Variants in STXBP4 observed in about 807,000 individuals in gnomAD.
The protein encoded by STXBP4 is syntaxin binding protein 4.
A neutral mutation model predicts 76.1 loss-of-function variants in STXBP4; 55 were observed. The observed-to-expected ratio is 0.72, with a 90% CI of 0.58 to 0.91. The LOEUF (loss-of-function observed/expected upper bound fraction) is 0.91. Among genes scored for constraint, STXBP4 ranks in the 40% least tolerant of loss-of-function variants. The probability of loss-of-function intolerance (pLI) is 0.00; values close to 1 mark genes in which losing one functional copy is unlikely to be tolerated. For missense variants in STXBP4, 618 were observed against 636.9 expected (o/e 0.97, Z 0.32); for synonymous variants, 201 against 220.2 (o/e 0.91, Z 0.77).
intron 1 of STXBP4, among the ~76,000 whole-genome samples, chr17:54,984,443 C>T (rs536500870): frequency 1.4e-3 from 209 of 149,258 alleles, no homozygotes; most frequent in African/African-American, 4.7e-3. Flanking sequence ...CCCAGGTTCA[C>T]GCCATTCTCC....
chr17:55,134,038 T>C (rs993143302), intron 16 of STXBP4, among the ~76,000 whole-genome samples: 12 of 152,172 alleles, frequency 7.9e-5, no homozygotes, highest in Non-Finnish European at 1.5e-4. Flanking sequence ...CTCATTTTTA[T>C]GCCCATGGTA....
At chr17:55,159,288 G>A (rs544738786) in intron 17 of STXBP4, among the ~76,000 whole-genome samples, 3 of 151,958 alleles carry the variant, frequency 2.0e-5, no homozygotes, top group Non-Finnish European at 4.4e-5. Flanking sequence ...ATTTTAAAAA[G>A]CAGGTATTGT....
rs193266004 is a variant in STXBP4, at chr17:55,024,777, A to C, written c.667-6391A>C. Reference sequence around the variant, plus strand: ...ATCATCATTATATGAGGAATACTATATGGTAAGGAAAATGAAGGAACAAGA... The same window carrying C: ...ATCATCATTATATGAGGAATACTATCTGGTAAGGAAAATGAAGGAACAAGA... On this transcript the variant is annotated intron_variant, in intron 8 of 17. Coordinates refer to ENST00000376352, the MANE Select transcript of STXBP4 (RefSeq NM_178509.6). Among the ~76,000 whole-genome samples, 11 of 152,290 alleles carry C rather than the reference A, an allele frequency of 7.2e-5. No individual in the cohort carries two copies. In the East Asian group the frequency reaches 2.1e-3, roughly 29 times the overall value.
intron 12 of STXBP4, among the ~76,000 whole-genome samples, chr17:55,061,683 T>C (rs982162238): frequency 2.6e-5 from 4 of 152,174 alleles, no homozygotes; most frequent in African/African-American, 9.7e-5. Context: ...CTGTTCTATA[T>C]CTCCATAATG....
At chr17:55,146,474 G>A (rs528005498) in intron 17 of STXBP4, among the ~76,000 whole-genome samples, 4 of 152,146 alleles carry the variant, frequency 2.6e-5, no homozygotes, top group African/African-American at 4.8e-5. Flanking sequence ...CACTTTGGGA[G>A]GCCAAGGCAG....
intron 8 of STXBP4, among the ~76,000 whole-genome samples, chr17:55,029,431 A>C (rs2144670373): frequency 6.6e-6 from 1 of 152,042 alleles, no homozygotes; most frequent in East Asian, 1.9e-4. Flanking sequence ...GAAAATATAT[A>C]CATAAATTTT....
intron 16 of STXBP4, among the ~76,000 whole-genome samples, chr17:55,107,974 G>C (rs879321324): frequency 2.0e-5 from 3 of 152,234 alleles, no homozygotes; most frequent in Non-Finnish European, 4.4e-5. Flanking sequence ...GCGCTCTTCA[G>C]AGCCAGCAGG....
intron 16 of STXBP4, among the ~76,000 whole-genome samples, chr17:55,131,845 C>CTCTG (rs1323459015): frequency 6.6e-6 from 1 of 152,166 alleles, no homozygotes; most frequent in Admixed American, 6.5e-5. Flanking sequence ...CACTACAACT[C>CTCTG]TCTGTCTTCC....
intron 16 of STXBP4, among the ~76,000 whole-genome samples, chr17:55,121,405 G>A (rs532007943): frequency 6.6e-6 from 1 of 152,204 alleles, no homozygotes; most frequent in Non-Finnish European, 1.5e-5. Flanking sequence ...AACACACTGA[G>A]AGAGAGATGA....
At chr17:55,098,262 A>AT (rs2145004245) in intron 16 of STXBP4, among the ~76,000 whole-genome samples, 1 of 152,332 alleles carries the variant, frequency 6.6e-6, no homozygotes, top group East Asian at 1.9e-4. Flanking sequence ...TTCAAGTGGC[A>AT]GTAATTTTGG....
At chr17:55,204,904 A>G in the STXBP4 span, among the ~76,000 whole-genome samples, 2 of 151,976 alleles carry the variant, frequency 1.3e-5, no homozygotes, top group Admixed American at 1.3e-4. Context: ...ATACATCTAT[A>G]TTTCTTACTG....
chr17:55,205,819 T>A, the STXBP4 span, among the ~76,000 whole-genome samples: 1 of 152,152 alleles, frequency 6.6e-6, no homozygotes, highest in African/African-American at 2.4e-5. Flanking sequence ...AAAGCTACTT[T>A]ACAATATTTA....
the STXBP4 span, among the ~76,000 whole-genome samples, chr17:55,206,857 GAAA>G: frequency 7.5e-3 from 777 of 103,126 alleles, 4 homozygotes; most frequent in South Asian, 0.05. Context: ...CTCCGTCTCA[GAAA>G]AAAAAAAAAA....
chr17:55,047,176 A>G (rs1318890354), intron 12 of STXBP4, 22 bp downstream of exon 12: 5 of 1,453,432 alleles, frequency 3.4e-6, no homozygotes, highest in South Asian at 2.3e-5. Context: ...TATTGTGTAT[A>G]TATGTGCTCG....
the STXBP4 span, among the ~76,000 whole-genome samples, chr17:55,202,262 T>C: frequency 6.6e-6 from 1 of 152,044 alleles, no homozygotes; most frequent in East Asian, 1.9e-4. Flanking sequence ...GAACACCTGA[T>C]TCATATATAT....
rs541326290 is a variant in STXBP4, at chr17:55,141,296, T to C, written c.1490-14T>C. ...CATCTTATTAAATATATTTTTGGTT[T>C]CCTTTCACTGTAGGTTTACCTTATG... On this transcript the variant is annotated splice_polypyrimidine_tract_variant and intron_variant, in intron 16 of 17. Transcript: ENST00000376352. 3.1e-6 allele frequency: 5 copies of C among 1,605,882 alleles called. No individual in the cohort carries two copies. In the African/African-American group the frequency reaches 5.4e-5, roughly 17 times the overall value.
In STXBP4 at chr17:55,170,906, T is replaced by C. The variant is rs1189322565; in HGVS notation, c.*10995T>C. The C allele has an allele frequency of 6.6e-6, 1 of 152,228 alleles. No homozygotes were observed. The highest frequency in any genetic ancestry group is 6.5e-5 in the Admixed American group (1 of 15,286). 9.4% of individuals were successfully genotyped at this position (152,228 alleles called of 1,614,324 possible). ...AGATGTGATATTTATGTTTTCATTG[T>C]CTGGGGAGGGCCAAGTTTCATGACA... On this transcript the variant is annotated 3_prime_UTR_variant, in exon 18 of 18. Coordinates refer to ENST00000376352, the MANE Select transcript of STXBP4 (RefSeq NM_178509.6).
chr17:54,983,262 G>A (rs1286229475), intron 1 of STXBP4, among the ~76,000 whole-genome samples: 1 of 152,062 alleles, frequency 6.6e-6, no homozygotes, highest in Non-Finnish European at 1.5e-5. Context: ...TTAAGTGAAT[G>A]GAATAAACAC....
chr17:55,103,725 G>A (rs2079594866), intron 16 of STXBP4, among the ~76,000 whole-genome samples: 1 of 152,154 alleles, frequency 6.6e-6, no homozygotes, highest in South Asian at 2.1e-4. Context: ...ACTTTGTGCA[G>A]TATGGCCATT....
Sources: allele counts gnomAD v4.1 joint callset (sites outside exome capture counted in the v4.1 genomes callset), GRCh38; gene constraint gnomAD v4.1.1; transcripts MANE v1.5; gene names NCBI Gene and HGNC (gene_info 2026-07-23, HGNC 2026-07-21).